Variants in RAD51B observed in about 807,000 individuals in gnomAD.
RAD51B encodes the protein RAD51 paralog B, also known as DNA repair protein RAD51 homolog 2.
RAD51B carries 38 observed loss-of-function variants against 42.2 expected under a neutral mutation model. The ratio of observed to expected loss-of-function variants is 0.90; its 90% CI spans 0.70 to 1.18. The LOEUF (loss-of-function observed/expected upper bound fraction) is 1.18, where lower values mean the gene tolerates loss of function less well. RAD51B is among the 50% of genes most tolerant of loss of function. The pLI is 0.00. For missense variants in RAD51B, 373 were observed against 400.7 expected (o/e 0.93, Z 0.59); for synonymous variants, 154 against 145.2 (o/e 1.06, Z -0.43).
Position 68,147,335 on chromosome 14 carries a change from T to C in RAD51B, c.757-144549T>C, listed in dbSNP as rs190686084. On this transcript the variant is annotated intron_variant, in intron 7 of 10. Coordinates refer to ENST00000471583, the MANE Select transcript of RAD51B (RefSeq NM_133510.4). ...CTCATATCCTCACATTGAGATTTAA[T>C]GTATTTCAGTTTAATAAATGAGAAC... Among the ~76,000 whole-genome samples, 8 of 152,366 alleles carry C rather than the reference T, an allele frequency of 5.3e-5. No homozygotes were observed. The East Asian group carries it at 1.3e-3, about 26-fold the overall frequency.
At chr14:68,668,750 G>A (rs1547011) in intron 11 of RAD51B, among the ~76,000 whole-genome samples, 78,461 of 152,094 alleles carry the variant, frequency 0.52, 20,678 homozygotes, top group East Asian at 0.76. Flanking sequence ...ACGCTGATCC[G>A]TGACATCTCT....
At chr14:68,059,646 C>G (rs1257605135) in intron 7 of RAD51B, among the ~76,000 whole-genome samples, 1 of 152,184 alleles carries the variant, frequency 6.6e-6, no homozygotes, top group Admixed American at 6.5e-5. Flanking sequence ...CATCCTGTTT[C>G]CCTGGCCAAA....
intron 8 of RAD51B, among the ~76,000 whole-genome samples, chr14:68,405,577 A>G (rs2084248139): frequency 6.6e-6 from 1 of 152,240 alleles, no homozygotes; most frequent in Non-Finnish European, 1.5e-5. Flanking sequence ...ATAGTAGACT[A>G]CAGTCAAGCT....
chr14:68,323,126 T>A (rs2082187331), intron 8 of RAD51B, among the ~76,000 whole-genome samples: 1 of 152,026 alleles, frequency 6.6e-6, no homozygotes, highest in African/African-American at 2.4e-5. Flanking sequence ...ACAAAATAAA[T>A]ATGCCTTCCT....
At chr14:68,497,696 TC>T in intron 10 of RAD51B, 1 of 310,260 alleles carries the variant, frequency 3.2e-6, no homozygotes, top group Non-Finnish European at 5.3e-6. Context: ...TTCCCCCTCC[TC>T]CCAGCTCCTG....
downstream of RAD51B, among the ~76,000 whole-genome samples, chr14:68,613,611 A>G (rs563555093): frequency 1.3e-4 from 19 of 151,524 alleles, no homozygotes; most frequent in East Asian, 7.8e-4. Flanking sequence ...CCACCACCAC[A>G]CCCGGCTAGT....
chr14:67,847,957 G>A (rs1467271485), intron 4 of RAD51B, among the ~76,000 whole-genome samples: 1 of 152,106 alleles, frequency 6.6e-6, no homozygotes, highest in African/African-American at 2.4e-5. Flanking sequence ...ATGAATCTGG[G>A]TGCTCCAATG....
rs144976472 is a variant in RAD51B at position 67,947,671 on chromosome 14, G to A, written c.756+60467G>A. On this transcript the variant is annotated intron_variant, in intron 7 of 10. Coordinates refer to ENST00000471583, the MANE Select transcript of RAD51B (RefSeq NM_133510.4). ...GGAGACTGTTTTGTTTGAAGCAAAT[G>A]ACTTGGGAGATGACTTAAGAACATT... is the stretch of plus-strand genomic sequence containing the variant. Among the ~76,000 whole-genome samples the A allele has an allele frequency of 2.7e-3, 406 of 152,260 alleles. 3 individuals are homozygous for A. Among genetic ancestry groups the A allele is most frequent in the African/African-American group, 9.4e-3 (391 of 41,558 alleles).
intron 7 of RAD51B, among the ~76,000 whole-genome samples, chr14:68,282,437 T>C (rs1160246522): frequency 6.6e-6 from 1 of 152,236 alleles, no homozygotes; most frequent in Non-Finnish European, 1.5e-5. Flanking sequence ...ATATTTGTTC[T>C]GGACTTGTTC....
intron 7 of RAD51B, among the ~76,000 whole-genome samples, chr14:68,218,255 T>C (rs1012150053): frequency 6.6e-6 from 1 of 152,236 alleles, no homozygotes; most frequent in Non-Finnish European, 1.5e-5. Flanking sequence ...GTAAAGATTA[T>C]TTGATGTTAA....
intron 10 of RAD51B, among the ~76,000 whole-genome samples, chr14:68,519,566 C>G (rs1886424138): frequency 6.6e-6 from 1 of 152,198 alleles, no homozygotes; most frequent in Non-Finnish European, 1.5e-5. Context: ...ATTTTGGGGT[C>G]TCAGCTACCC....
At chr14:68,661,048 G>C (rs976802487) in intron 11 of RAD51B, among the ~76,000 whole-genome samples, 2 of 152,232 alleles carry the variant, frequency 1.3e-5, no homozygotes, top group Non-Finnish European at 2.9e-5. Flanking sequence ...CGGAGCTGCA[G>C]CCACAGAGGA....
intron 7 of RAD51B, among the ~76,000 whole-genome samples, chr14:68,190,006 A>T (rs917770368): frequency 3.9e-5 from 6 of 152,196 alleles, no homozygotes; most frequent in Admixed American, 2.0e-4. Context: ...CTTTTGAAAG[A>T]TGCTTTTTAC....
intron 8 of RAD51B, among the ~76,000 whole-genome samples, chr14:68,319,399 C>T (rs2082118470): frequency 6.6e-6 from 1 of 152,146 alleles, no homozygotes; most frequent in Non-Finnish European, 1.5e-5. Context: ...ATCTGCAGTG[C>T]TTTGTTACTT....
chr14:68,294,433 G>A (rs890215155), intron 8 of RAD51B, among the ~76,000 whole-genome samples: 2 of 152,128 alleles, frequency 1.3e-5, no homozygotes, highest in Non-Finnish European at 2.9e-5. Context: ...ATATTACAAT[G>A]GATGTTAAGT....
chr14:68,037,135 TACCCTCCCCCCCTCCC>T (rs1225724164), intron 7 of RAD51B, among the ~76,000 whole-genome samples: 1 of 5,678 alleles, frequency 1.8e-4, no homozygotes, highest in African/African-American at 1.3e-3. Context: ...TCCCCTACCC[TACCCTCCCCCCCTCCC>T]CCCCTCCCCT....
At chr14:67,993,449 T>C (rs920085799) in intron 7 of RAD51B, among the ~76,000 whole-genome samples, 5 of 152,224 alleles carry the variant, frequency 3.3e-5, no homozygotes, top group African/African-American at 4.8e-5. Flanking sequence ...GCGAAGTTTG[T>C]ATTTCTGCGT....
intron 8 of RAD51B, among the ~76,000 whole-genome samples, chr14:68,363,987 C>T (rs2083086465): frequency 1.3e-5 from 2 of 152,188 alleles, no homozygotes; most frequent in Non-Finnish European, 2.9e-5. Flanking sequence ...TGCCCACACG[C>T]GCCCCAGTGA....
At chr14:68,551,502 C>A (rs969971363) in intron 10 of RAD51B, among the ~76,000 whole-genome samples, 1 of 152,186 alleles carries the variant, frequency 6.6e-6, no homozygotes, top group Non-Finnish European at 1.5e-5. Context: ...GCAGGATTCC[C>A]CCCTTCCCAA....
Sources: gnomAD v4.1 joint callset for allele counts (sites outside exome capture counted in the v4.1 genomes callset) on GRCh38, gnomAD v4.1.1 for gene constraint, MANE v1.5 for transcripts, NCBI Gene and HGNC (gene_info 2026-07-23, HGNC 2026-07-21) for gene names.